CDH4: variants seen among roughly 807,000 people sequenced by gnomAD.
CDH4 encodes cadherin-4.
A neutral mutation model predicts 86.0 loss-of-function variants in CDH4; 33 were observed. The observed-to-expected ratio is 0.38, with a 90% CI of 0.29 to 0.51. CDH4 has a LOEUF of 0.51. Ranked by LOEUF, CDH4 falls within the 20% of genes least tolerant of loss-of-function variation. The probability of loss-of-function intolerance (pLI) is 0.86; values close to 1 mark genes in which losing one functional copy is unlikely to be tolerated. For missense variants in CDH4, 1,114 were observed against 1,307.4 expected (o/e 0.85, Z 2.28); for synonymous variants, 555 against 549.4 (o/e 1.01, Z -0.14).
intron 2 of CDH4, among the ~76,000 whole-genome samples, chr20:61,667,189 G>A (rs1171349349): frequency 7.7e-6 from 1 of 129,616 alleles, no homozygotes; most frequent in Non-Finnish European, 1.6e-5. Context: ...TGGGAGGCAG[G>A]GAGCATGGGG....
At chr20:61,462,191 C>T (rs1036792598) in intron 2 of CDH4, among the ~76,000 whole-genome samples, 2 of 152,218 alleles carry the variant, frequency 1.3e-5, no homozygotes, top group African/African-American at 4.8e-5. Context: ...ATCTCCCAGC[C>T]TTGCCAAAAT....
chr20:61,470,486 A>G (rs1457160472), intron 2 of CDH4, among the ~76,000 whole-genome samples: 1 of 152,170 alleles, frequency 6.6e-6, no homozygotes, highest in Non-Finnish European at 1.5e-5. Context: ...TCTGCAAACA[A>G]GTATAATTCA....
chr20:61,606,293 G>A (rs942119669), intron 2 of CDH4, among the ~76,000 whole-genome samples: 11 of 152,196 alleles, frequency 7.2e-5, no homozygotes, highest in South Asian at 2.1e-4. Flanking sequence ...AGTGCTCTGC[G>A]TGCTGCCATT....
chr20:61,602,405 C>T (rs542997042), intron 2 of CDH4, among the ~76,000 whole-genome samples: 4 of 152,186 alleles, frequency 2.6e-5, no homozygotes, highest in Admixed American at 6.5e-5. Flanking sequence ...TCTTAACTTC[C>T]GGGACTCCAC....
intron 2 of CDH4, among the ~76,000 whole-genome samples, chr20:61,704,896 G>A (rs1251160015): frequency 1.3e-5 from 2 of 152,178 alleles, no homozygotes; most frequent in Non-Finnish European, 1.5e-5. Flanking sequence ...GTCTCCTAGG[G>A]CCAAATGCAC....
At chr20:61,909,515 G>T (rs1436201437) in intron 8 of CDH4, among the ~76,000 whole-genome samples, 1 of 152,184 alleles carries the variant, frequency 6.6e-6, no homozygotes, top group African/African-American at 2.4e-5. Flanking sequence ...AATCACCAGG[G>T]TCTTGCTCCC....
At chr20:61,348,950 G>A (rs922817245) in intron 2 of CDH4, among the ~76,000 whole-genome samples, 7 of 152,200 alleles carry the variant, frequency 4.6e-5, no homozygotes, top group Non-Finnish European at 7.3e-5. Flanking sequence ...ATAGAGACCC[G>A]CAGCCCCTCC....
At chr20:61,856,958 T>A (rs574096868) in intron 6 of CDH4, among the ~76,000 whole-genome samples, 2 of 151,936 alleles carry the variant, frequency 1.3e-5, no homozygotes, top group East Asian at 3.9e-4. Flanking sequence ...AACCCCACCC[T>A]CCTTTCTCCT....
At chr20:61,254,469 G>A (rs1301180260) in intron 1 of CDH4, among the ~76,000 whole-genome samples, 1 of 152,240 alleles carries the variant, frequency 6.6e-6, no homozygotes, top group Non-Finnish European at 1.5e-5. Flanking sequence ...CCTGCCCTTA[G>A]TGGCTTCGGG....
intron 2 of CDH4, among the ~76,000 whole-genome samples, chr20:61,634,808 C>T (rs902382346): frequency 1.3e-5 from 2 of 152,248 alleles, no homozygotes; most frequent in Non-Finnish European, 2.9e-5. Context: ...ACACAAACTT[C>T]CCACTTCCCC....
chr20:61,639,360 C>G (rs1172007326), intron 2 of CDH4, among the ~76,000 whole-genome samples: 1 of 152,204 alleles, frequency 6.6e-6, no homozygotes, highest in African/African-American at 2.4e-5. Flanking sequence ...CACTGACTCC[C>G]TCTGCCAGCA....
At chr20:61,550,000 G>A (rs1402761116) in intron 2 of CDH4, among the ~76,000 whole-genome samples, 1 of 152,092 alleles carries the variant, frequency 6.6e-6, no homozygotes, top group Non-Finnish European at 1.5e-5. Flanking sequence ...TCCTCCCCGG[G>A]ACTCACTGCA....
rs989755392 is a variant in CDH4, at chr20:61,692,166, CATGT to C, written c.170-51392_170-51389del. 9.3e-4 allele frequency among the ~76,000 whole-genome samples: 135 copies of C among 145,206 alleles called. 1 individual carries two copies. The highest frequency in any genetic ancestry group is 3.3e-3 in the African/African-American group (131 of 40,212). On this transcript the variant is annotated intron_variant, in intron 2 of 15. Coordinates refer to ENST00000614565, the MANE Select transcript of CDH4 (RefSeq NM_001794.5). Reference sequence around the variant, plus strand: ...GTATGTGTGTATGTATGTGTGTCTGCATGTATGTGTTTATATGTGTCTGTATATG... The same window carrying C: ...GTATGTGTGTATGTATGTGTGTCTGCATGTGTTTATATGTGTCTGTATATG...
chr20:61,731,252 T>C (rs1317005357), intron 2 of CDH4, among the ~76,000 whole-genome samples: 1 of 151,988 alleles, frequency 6.6e-6, no homozygotes. Flanking sequence ...TCCTGAGGGA[T>C]TTTGGCCTCG....
intron 2 of CDH4, among the ~76,000 whole-genome samples, chr20:61,320,170 G>A (rs962469464): frequency 3.3e-5 from 5 of 152,110 alleles, no homozygotes; most frequent in Non-Finnish European, 7.4e-5. Flanking sequence ...TGCTGATGTT[G>A]CAGGGCCTAT....
At chr20:61,301,724 G>A (rs1157663663) in intron 2 of CDH4, among the ~76,000 whole-genome samples, 1 of 152,184 alleles carries the variant, frequency 6.6e-6, no homozygotes, top group Non-Finnish European at 1.5e-5. Context: ...GCAGTGGGGA[G>A]ACAGGAAGCC....
chr20:61,322,382 C>T (rs566168378), intron 2 of CDH4, among the ~76,000 whole-genome samples: 2 of 152,312 alleles, frequency 1.3e-5, no homozygotes, highest in South Asian at 2.1e-4. Flanking sequence ...ATCCGCAGCC[C>T]ACACCTGCAG....
intron 2 of CDH4, among the ~76,000 whole-genome samples, chr20:61,362,213 G>A (rs372013825): frequency 6.6e-6 from 1 of 152,232 alleles, no homozygotes; most frequent in Non-Finnish European, 1.5e-5. Context: ...AGCCTGGCAG[G>A]GGGGGATGTG....
At chr20:61,285,362 A>T (rs1456046174) in intron 2 of CDH4, among the ~76,000 whole-genome samples, 4 of 149,628 alleles carry the variant, frequency 2.7e-5, no homozygotes, top group Non-Finnish European at 5.9e-5. Flanking sequence ...CATCGAACCC[A>T]CAGCTGCCTG....
Sources: gnomAD v4.1 joint callset for allele counts (sites outside exome capture counted in the v4.1 genomes callset) on GRCh38, gnomAD v4.1.1 for gene constraint, MANE v1.5 for transcripts, NCBI Gene and HGNC (gene_info 2026-07-23, HGNC 2026-07-21) for gene names.